The following PDS5B variants were observed in gnomAD, a reference collection of about 807,000 sequenced individuals.
PDS5B encodes PDS5 cohesin associated factor B.
In PDS5B, 51 loss-of-function variants were observed where a neutral mutation model predicts 184.1. The observed-to-expected ratio is 0.28, with a 90% CI of 0.22 to 0.35. PDS5B has a LOEUF of 0.35. Among genes scored for constraint, PDS5B ranks in the 10% least tolerant of loss-of-function variants. PDS5B has a pLI of 1.00. For missense variants in PDS5B, 1,180 were observed against 1,723.3 expected, an observed-to-expected ratio of 0.68 and a Z score of 5.58; for synonymous variants, 566 against 569.2, an observed-to-expected ratio of 0.99 and a Z score of 0.08.
chr13:32,679,638 CAA>C (rs781188988), intron 10 of PDS5B, among the ~76,000 whole-genome samples: 72 of 142,336 alleles, frequency 5.1e-4, no homozygotes, highest in African/African-American at 1.4e-3. Context: ...CTCTTTATCT[CAA>C]AAAAAAAAAA....
At chr13:32,702,258 C>A (rs1053063441) in intron 17 of PDS5B, among the ~76,000 whole-genome samples, 6 of 152,078 alleles carry the variant, frequency 3.9e-5, no homozygotes, top group Non-Finnish European at 7.4e-5. Context: ...AATAGAGAGA[C>A]CCTACTTTGG....
chr13:32,636,001 C>T (rs1394930189), intron 1 of PDS5B, among the ~76,000 whole-genome samples: 2 of 151,864 alleles, frequency 1.3e-5, no homozygotes, highest in Non-Finnish European at 2.9e-5. Flanking sequence ...GATCTCCTGA[C>T]CTTGTGATCT....
chr13:32,676,796 T>TG (rs994501795), intron 9 of PDS5B, among the ~76,000 whole-genome samples: 19 of 151,898 alleles, frequency 1.3e-4, no homozygotes, highest in African/African-American at 3.9e-4. Flanking sequence ...CCAGGCGTGG[T>TG]GGCAGGCACC....
chr13:32,629,929 T>G (rs750745474), intron 1 of PDS5B, among the ~76,000 whole-genome samples: 2 of 152,154 alleles, frequency 1.3e-5, no homozygotes, highest in Non-Finnish European at 2.9e-5. Context: ...GCAAATTCAG[T>G]GACTAGTTTA....
intron 19 of PDS5B, among the ~76,000 whole-genome samples, chr13:32,721,751 C>T (rs1258438491): frequency 6.6e-6 from 1 of 151,548 alleles, no homozygotes; most frequent in African/African-American, 2.4e-5. Flanking sequence ...CTCCTCACTT[C>T]CCAGACTGGG....
intron 34 of PDS5B, 64 bp downstream of exon 34, chr13:32,773,388 G>A: frequency 1.5e-6 from 2 of 1,346,662 alleles, no homozygotes; most frequent in Non-Finnish European, 2.1e-6. Context: ...TGTTTGGTTA[G>A]ATCATTTAGT....
At chr13:32,603,679 C>A (rs2058014419) in intron 1 of PDS5B, among the ~76,000 whole-genome samples, 1 of 152,142 alleles carries the variant, frequency 6.6e-6, no homozygotes, top group African/African-American at 2.4e-5. Context: ...CTATAAATTA[C>A]CTTGGGCGGT....
chr13:32,663,825 T>C (rs973650231), intron 6 of PDS5B, among the ~76,000 whole-genome samples: 20 of 152,204 alleles, frequency 1.3e-4, no homozygotes, highest in African/African-American at 4.6e-4. Flanking sequence ...ACCTGAGAAG[T>C]GTACATTGTA....
At chr13:32,772,709 G>A (rs1469243447) in intron 33 of PDS5B, among the ~76,000 whole-genome samples, 3 of 152,130 alleles carry the variant, frequency 2.0e-5, no homozygotes, top group African/African-American at 7.2e-5. Flanking sequence ...AACATCATCT[G>A]TTCTTGTACT....
chr13:32,658,960 A>G (rs1055167077), intron 5 of PDS5B, among the ~76,000 whole-genome samples, 194 bp from the exon 6 acceptor site: 6 of 152,158 alleles, frequency 3.9e-5, no homozygotes, highest in Non-Finnish European at 8.8e-5. Flanking sequence ...AAATCTAAGA[A>G]ATGTAGTGTA....
At chr13:32,705,585 T>A (rs574224838) in intron 17 of PDS5B, among the ~76,000 whole-genome samples, 4 of 152,370 alleles carry the variant, frequency 2.6e-5, no homozygotes, top group South Asian at 4.1e-4. Context: ...TATTTTGGTA[T>A]GTTTTCTGTC....
At chr13:32,704,354 A>T (rs535107288) in intron 17 of PDS5B, among the ~76,000 whole-genome samples, 1 of 152,260 alleles carries the variant, frequency 6.6e-6, no homozygotes, top group African/African-American at 2.4e-5. Context: ...TTTTTAGTAG[A>T]AATGGGGTTT....
At chr13:32,761,245 G>A (rs998550048) in intron 30 of PDS5B, among the ~76,000 whole-genome samples, 15 of 152,108 alleles carry the variant, frequency 9.9e-5, no homozygotes, top group African/African-American at 3.6e-4. Flanking sequence ...TATAGAAAGG[G>A]AGGTTATTTT....
At chr13:32,752,101 TAGAAA>T (rs780155286) in intron 24 of PDS5B, among the ~76,000 whole-genome samples, 4 of 152,084 alleles carry the variant, frequency 2.6e-5, no homozygotes, top group Non-Finnish European at 5.9e-5. Flanking sequence ...GTAGGTCATA[TAGAAA>T]AGTTTGAACT....
At chr13:32,590,152 T>A (rs1412488650) in intron 1 of PDS5B, among the ~76,000 whole-genome samples, 1 of 152,222 alleles carries the variant, frequency 6.6e-6, no homozygotes, top group Non-Finnish European at 1.5e-5. Context: ...TTAAAAATAC[T>A]TGGTTTAGCT....
chr13:32,614,524 C>T (rs2058190922), intron 1 of PDS5B, among the ~76,000 whole-genome samples: 1 of 152,154 alleles, frequency 6.6e-6, no homozygotes. Flanking sequence ...CCTTGAACTC[C>T]TGACCTCAAG....
chr13:32,752,467 T>A (rs1954020105), intron 24 of PDS5B, among the ~76,000 whole-genome samples: 1 of 152,162 alleles, frequency 6.6e-6, no homozygotes, highest in Admixed American at 6.5e-5. Context: ...TTTGTTAGGC[T>A]TAGAGAGATA....
At chr13:32,597,436 G>A (rs2057894630) in intron 1 of PDS5B, among the ~76,000 whole-genome samples, 1 of 151,816 alleles carries the variant, frequency 6.6e-6, no homozygotes, top group African/African-American at 2.4e-5. Flanking sequence ...CAGTGGTATG[G>A]TCCTGTAGTC....
intron 15 of PDS5B, among the ~76,000 whole-genome samples, chr13:32,697,283 T>A (rs1951733756): frequency 6.6e-6 from 1 of 152,208 alleles, no homozygotes; most frequent in African/African-American, 2.4e-5. Context: ...GGTATTTCAT[T>A]TAACAGTAAA....
Sources: gnomAD v4.1 joint callset for allele counts (sites outside exome capture counted in the v4.1 genomes callset) on GRCh38, gnomAD v4.1.1 for gene constraint, MANE v1.5 for transcripts, NCBI Gene and HGNC (gene_info 2026-07-23, HGNC 2026-07-21) for gene names.